Variants in MARCHF8 observed in about 807,000 individuals in gnomAD.
The protein encoded by MARCHF8 is membrane associated ring-CH-type finger 8, also known as E3 ubiquitin-protein ligase MARCHF8.
Under a neutral mutation model 51.6 loss-of-function variants are expected in MARCHF8, and 40 were observed. The ratio of observed to expected loss-of-function variants is 0.77; its 90% confidence interval spans 0.60 to 1.01. The LOEUF (loss-of-function observed/expected upper bound fraction) is 1.01. Among genes scored for constraint, MARCHF8 ranks in the 50% least tolerant of loss-of-function variants. The probability of loss-of-function intolerance (pLI) is 0.00; values close to 1 mark genes in which losing one functional copy is unlikely to be tolerated. For missense variants in MARCHF8, 685 were observed against 708.6 expected (o/e 0.97, Z 0.38); for synonymous variants, 263 against 280.3 (o/e 0.94, Z 0.62).
chr10:45,496,840 T>C (rs2043183446), intron 2 of MARCHF8, among the ~76,000 whole-genome samples: 1 of 152,016 alleles, frequency 6.6e-6, no homozygotes, highest in African/African-American at 2.4e-5. Context: ...TAGAAATCTT[T>C]TTTAAAAATC....
At chr10:45,537,455 C>A (rs1013280656), upstream of MARCHF8, among the ~76,000 whole-genome samples, 4 of 152,024 alleles carry the variant, frequency 2.6e-5, no homozygotes, top group African/African-American at 9.7e-5. Context: ...GAGTTCCAGA[C>A]CAGCCTGGGC....
At chr10:45,538,889 G>A (rs2044012352), upstream of MARCHF8, among the ~76,000 whole-genome samples, 1 of 152,176 alleles carries the variant, frequency 6.6e-6, no homozygotes, top group African/African-American at 2.4e-5. Flanking sequence ...ACACCCCACT[G>A]TCAACATTAG....
At chr10:45,489,489 C>T (rs2133085150) in intron 2 of MARCHF8, 72 bp from the exon 3 acceptor site, 8 of 1,324,068 alleles carry the variant, frequency 6.0e-6, no homozygotes, top group Non-Finnish European at 8.7e-6. Flanking sequence ...TAATTGATCA[C>T]AACAACCCTA....
Position 45,474,864 on chromosome 10 carries a change from C to T in MARCHF8, c.154-10537G>A, listed in dbSNP as rs550857354. 1.3e-3 allele frequency among the ~76,000 whole-genome samples: 203 copies of T among 152,292 alleles called. 1 individual carries two copies. Among genetic ancestry groups the T allele is most frequent in the African/African-American group, 4.5e-3 (185 of 41,560 alleles). On this transcript the variant is annotated intron_variant, in intron 3 of 7. Coordinates refer to ENST00000453424, the MANE Select transcript of MARCHF8 (RefSeq NM_001282866.2). ...TCCACATTCCTACCATGCACTTCTG[C>T]AATTCCAGCCATGACAGAGCCCTAG...
chr10:45,499,192 T>C (rs1277571741), intron 2 of MARCHF8, among the ~76,000 whole-genome samples: 1 of 152,262 alleles, frequency 6.6e-6, no homozygotes, highest in Non-Finnish European at 1.5e-5. Context: ...TGCGTTTCCC[T>C]AATTATCAAT....
At chr10:45,489,282 A>C in intron 3 of MARCHF8, 85 bp downstream of exon 3, 1 of 1,092,306 alleles carries the variant, frequency 9.2e-7, no homozygotes, top group African/African-American at 1.6e-5. Flanking sequence ...CTTTTCAAAA[A>C]AAAAAAAAAG....
At chr10:45,580,056 C>T (rs2044537555) in intron 1 of MARCHF8, among the ~76,000 whole-genome samples, 1 of 142,018 alleles carries the variant, frequency 7.0e-6, no homozygotes, top group South Asian at 2.3e-4. Context: ...CTTCATGACA[C>T]TATCTGAAAG....
At chr10:45,590,519 C>G (rs941195461) in intron 1 of MARCHF8, among the ~76,000 whole-genome samples, 2 of 152,006 alleles carry the variant, frequency 1.3e-5, no homozygotes, top group Non-Finnish European at 2.9e-5. Context: ...TACTGGTGTA[C>G]GCACCTGACA....
chr10:45,487,356 G>C (rs1489123669), intron 3 of MARCHF8, among the ~76,000 whole-genome samples: 1 of 152,210 alleles, frequency 6.6e-6, no homozygotes, highest in South Asian at 2.1e-4. Flanking sequence ...TGAATGAACA[G>C]GTACATATTT....
intron 1 of MARCHF8, among the ~76,000 whole-genome samples, chr10:45,570,571 G>A (rs912452762): frequency 3.3e-5 from 5 of 152,106 alleles, no homozygotes; most frequent in African/African-American, 1.2e-4. Context: ...GATAGAAATC[G>A]CAGCAAGTCT....
At chr10:45,534,318 G>A (rs975390821) in intron 1 of MARCHF8, among the ~76,000 whole-genome samples, 9 of 152,062 alleles carry the variant, frequency 5.9e-5, no homozygotes, top group Admixed American at 2.0e-4. Flanking sequence ...AAACACTGCC[G>A]TAAAGGGTTT....
intron 1 of MARCHF8, among the ~76,000 whole-genome samples, chr10:45,567,248 T>C (rs1414921959): frequency 6.6e-6 from 1 of 152,226 alleles, no homozygotes; most frequent in Non-Finnish European, 1.5e-5. Flanking sequence ...TTTTGTTGAC[T>C]GTATCCTTCG....
At chr10:45,575,485 C>T (rs143346364) in intron 1 of MARCHF8, among the ~76,000 whole-genome samples, 4 of 152,232 alleles carry the variant, frequency 2.6e-5, no homozygotes, top group African/African-American at 7.2e-5. Flanking sequence ...TAATTCTATA[C>T]GACAAATGCT....
chr10:45,578,926 A>G (rs74130844), intron 1 of MARCHF8, among the ~76,000 whole-genome samples: 206 of 152,348 alleles, frequency 1.4e-3, no homozygotes, highest in African/African-American at 4.7e-3. Flanking sequence ...AGTACTCCAG[A>G]TTAAAGGAGA....
At chr10:45,500,266 T>C (rs1254381444) in intron 2 of MARCHF8, among the ~76,000 whole-genome samples, 1 of 152,162 alleles carries the variant, frequency 6.6e-6, no homozygotes, top group Admixed American at 6.5e-5. Flanking sequence ...CTGATTTGTG[T>C]GTGTGTGTTG....
intron 2 of MARCHF8, among the ~76,000 whole-genome samples, chr10:45,499,721 A>T (rs771379858): frequency 3.3e-5 from 5 of 152,078 alleles, no homozygotes; most frequent in African/African-American, 1.2e-4. Context: ...TCTCGGCGCC[A>T]TTGTGGGAAA....
At chr10:45,472,344 T>C (rs1280926692) in intron 3 of MARCHF8, among the ~76,000 whole-genome samples, 1 of 152,262 alleles carries the variant, frequency 6.6e-6, no homozygotes, top group Non-Finnish European at 1.5e-5. Flanking sequence ...CTGATTGGTC[T>C]GGTACACACT....
At chr10:45,573,955 C>T (rs2044460735) in intron 1 of MARCHF8, among the ~76,000 whole-genome samples, 1 of 152,164 alleles carries the variant, frequency 6.6e-6, no homozygotes, top group Admixed American at 6.5e-5. Context: ...TGCCCAGCTC[C>T]CTGAATAGGT....
In MARCHF8 at chr10:45,560,419, C is replaced by T. The variant is rs193029894; in HGVS notation, c.-78-27130G>A. On this transcript the variant is annotated intron_variant, in intron 1 of 6. Coordinates refer to the MARCHF8 transcript ENST00000319836. ...AGATAAGTTAGTTTACTTAGGCCTC[C>T]GAACCTGGCCTTTCATCATCCGCAC... is the stretch of plus-strand genomic sequence containing the variant. Among the ~76,000 whole-genome samples, 10 of 152,290 alleles carry T rather than the reference C, an allele frequency of 6.6e-5. No homozygotes were observed. The East Asian group carries it at 1.7e-3, about 26-fold the overall frequency.
Sources: gnomAD v4.1 joint callset for allele counts (sites outside exome capture counted in the v4.1 genomes callset) on GRCh38, gnomAD v4.1.1 for gene constraint, MANE v1.5 for transcripts, NCBI Gene and HGNC (gene_info 2026-07-23, HGNC 2026-07-21) for gene names.